Variants in TEX11 observed in about 807,000 individuals in gnomAD.
TEX11 encodes testis-expressed protein 11.
TEX11 carries 7 observed loss-of-function variants against 84.4 expected under a neutral mutation model. The observed-to-expected ratio is 0.08, with a 90% CI of 0.05 to 0.16. The LOEUF is 0.16. Ranked by LOEUF, TEX11 falls within the 10% of genes least tolerant of loss-of-function variation. The pLI is 1.00. For missense variants in TEX11, 551 were observed against 660.5 expected (o/e 0.83, Z 1.82); for synonymous variants, 264 against 222.8 (o/e 1.18, Z -1.64).
At position 70,622,313 on chromosome X, in the gene TEX11, A is replaced by T. The variant is rs1158348408; in HGVS notation, c.1751+1637T>A. On this transcript the variant is annotated intron_variant, in intron 20 of 29. Coordinates refer to ENST00000374333, the MANE Select transcript of TEX11 (RefSeq NM_031276.3). ...CTCTACCTGAAAACATTGCTAGAGG[A>T]TGTTCTCTGTCACTGCATTTACTTG... Among the ~76,000 whole-genome samples the T allele has an allele frequency of 3.6e-5, 4 of 112,308 alleles. No individual in the cohort carries two copies. In the East Asian group the frequency reaches 8.3e-4, roughly 23 times the overall value.
At chrX:70,811,474 C>T (rs112970519) in intron 8 of TEX11, among the ~76,000 whole-genome samples, 14,162 of 110,984 alleles carry the variant, frequency 0.13, 773 homozygotes, top group Middle Eastern at 0.27. Context: ...TGAATAGTGC[C>T]GCAATAAACA....
intron 20 of TEX11, among the ~76,000 whole-genome samples, chrX:70,618,740 T>A (rs1040940206): frequency 8.9e-6 from 1 of 112,024 alleles, no homozygotes; most frequent in Non-Finnish European, 1.9e-5. Context: ...TGGAACAGAA[T>A]ATACTGCACC....
At chrX:70,901,357 C>T (rs1004499801) in intron 2 of TEX11, among the ~76,000 whole-genome samples, 5 of 111,501 alleles carry the variant, frequency 4.5e-5, no homozygotes, top group South Asian at 3.7e-4. Flanking sequence ...AGATTACAGG[C>T]GTGCATCACT....
intron 2 of TEX11, among the ~76,000 whole-genome samples, chrX:70,892,219 C>A (rs1477751785): frequency 9.0e-6 from 1 of 111,556 alleles, no homozygotes; most frequent in South Asian, 3.7e-4. Flanking sequence ...TTGTCACCAC[C>A]GGGCCTGCCT....
At chrX:70,849,712 A>G (rs1217190523) in intron 7 of TEX11, among the ~76,000 whole-genome samples, 1 of 112,036 alleles carries the variant, frequency 8.9e-6, no homozygotes, top group Non-Finnish European at 1.9e-5. Flanking sequence ...ATTAACTTAG[A>G]GCAAAAGGAA....
In TEX11 at chrX:70,811,666, T is replaced by C. The variant is rs1259444905; in HGVS notation, c.607-4876A>G. Among the ~76,000 whole-genome samples the C allele has an allele frequency of 2.7e-5, 3 of 110,827 alleles. No homozygotes were observed. The Admixed American group carries it at 2.9e-4, about 11-fold the overall frequency. ...AACAGTGTAAAAGTGTTCCTATTTC[T>C]CCACATCCTCTCCAGCACCTGTTGT... On this transcript the variant is annotated intron_variant, in intron 8 of 29. Coordinates refer to ENST00000374333, the MANE Select transcript of TEX11 (RefSeq NM_031276.3).
intron 15 of TEX11, among the ~76,000 whole-genome samples, chrX:70,671,483 T>C (rs2090021293): frequency 9.0e-6 from 1 of 111,287 alleles, no homozygotes; most frequent in Non-Finnish European, 1.9e-5. Flanking sequence ...GAAATAAGAT[T>C]ACATTCCTCT....
intron 15 of TEX11, 134 bp from the exon 16 acceptor site, chrX:70,670,648 G>A: frequency 1.5e-6 from 1 of 656,438 alleles, no homozygotes; most frequent in Non-Finnish European, 2.2e-6. Flanking sequence ...CTTTATATAG[G>A]GTTCTAAGTG....
chrX:70,857,987 C>T (rs2091545927), intron 5 of TEX11, among the ~76,000 whole-genome samples: 1 of 110,724 alleles, frequency 9.0e-6, no homozygotes, highest in African/African-American at 3.3e-5. Flanking sequence ...TTCTCACTGA[C>T]ATGTGGGAGC....
chrX:70,647,015 C>A lies in TEX11; in HGVS notation c.1483+4435G>T, dbSNP rs140072133. On this transcript the variant is annotated intron_variant, in intron 17 of 29. Coordinates refer to ENST00000374333, the MANE Select transcript of TEX11 (RefSeq NM_031276.3). Reference sequence around the variant, plus strand: ...CGGTGGATAAGTGGATAAAGAAAATCTGGTGTATATATAGACAATGGAATA... The same window carrying A: ...CGGTGGATAAGTGGATAAAGAAAATATGGTGTATATATAGACAATGGAATA... Among the ~76,000 whole-genome samples, 564 of 111,358 alleles carry A rather than the reference C, an allele frequency of 5.1e-3. 4 individuals are homozygous for A. The highest frequency in any genetic ancestry group is 0.017 in the African/African-American group (535 of 30,719).
chrX:70,698,577 A>G (rs1353207723), intron 13 of TEX11, among the ~76,000 whole-genome samples: 1 of 109,428 alleles, frequency 9.1e-6, no homozygotes, highest in African/African-American at 3.3e-5. Flanking sequence ...ATTAATTAGT[A>G]GGGGACAGGA....
chrX:70,637,089 G>A (rs1349038093), intron 17 of TEX11, among the ~76,000 whole-genome samples: 1 of 111,355 alleles, frequency 9.0e-6, no homozygotes, highest in Non-Finnish European at 1.9e-5. Flanking sequence ...GTGGGCAAAG[G>A]ACATGAACAG....
intron 13 of TEX11, among the ~76,000 whole-genome samples, chrX:70,705,935 T>G (rs187550575): frequency 0.015 from 1,701 of 111,629 alleles, 15 homozygotes; most frequent in Non-Finnish European, 0.026. Context: ...AAATACCATT[T>G]GACCCAGCCA....
chrX:70,824,692 A>C, intron 8 of TEX11, among the ~76,000 whole-genome samples: 1 of 111,193 alleles, frequency 9.0e-6, no homozygotes, highest in Non-Finnish European at 1.9e-5. Flanking sequence ...AGAGGAGCTC[A>C]GAAAAGCAAC....
chrX:70,560,021 T>G (rs1461692805), intron 25 of TEX11, among the ~76,000 whole-genome samples: 2 of 111,871 alleles, frequency 1.8e-5, no homozygotes, highest in Non-Finnish European at 3.8e-5. Flanking sequence ...CACTTGATTT[T>G]TTTTTTAGTC....
chrX:70,556,761 A>C (rs2088292163), intron 25 of TEX11, among the ~76,000 whole-genome samples: 1 of 111,342 alleles, frequency 9.0e-6, no homozygotes, highest in South Asian at 3.8e-4. Flanking sequence ...TCTATTCCTC[A>C]TTTTAGTTCT....
At chrX:70,822,537 T>C (rs1191808394) in intron 8 of TEX11, among the ~76,000 whole-genome samples, 1 of 111,686 alleles carries the variant, frequency 9.0e-6, no homozygotes, top group Non-Finnish European at 1.9e-5. Context: ...TACGTATATA[T>C]ATGTATGTAT....
At chrX:70,736,206 C>A (rs2090694967) in intron 11 of TEX11, among the ~76,000 whole-genome samples, 1 of 111,034 alleles carries the variant, frequency 9.0e-6, no homozygotes, top group Non-Finnish European at 1.9e-5. Flanking sequence ...ATATTTATTT[C>A]ATTGCACTAA....
Position 70,630,566 on chromosome X carries a change from C to A in TEX11, c.1484-831G>T, listed in dbSNP as rs763563520. ...AAGCAAAAAGGGAGATAAATGTAATCATAAAAATTCAATTAATCCAAAATA... is the reference window on the plus strand; with the variant it reads ...AAGCAAAAAGGGAGATAAATGTAATAATAAAAATTCAATTAATCCAAAATA... On this transcript the variant is annotated intron_variant, in intron 17 of 29. Transcript: ENST00000374333. 2.7e-5 allele frequency among the ~76,000 whole-genome samples: 3 copies of A among 110,113 alleles called. No individual in the cohort carries two copies. In the South Asian group the frequency reaches 1.2e-3, roughly 42 times the overall value.
Sources: allele counts gnomAD v4.1 joint callset (sites outside exome capture counted in the v4.1 genomes callset), GRCh38; gene constraint gnomAD v4.1.1; transcripts MANE v1.5; gene names NCBI Gene and HGNC (gene_info 2026-07-23, HGNC 2026-07-21).